LINGO2: variants seen among roughly 807,000 people sequenced by gnomAD.
The protein encoded by LINGO2 is leucine rich repeat and Ig domain containing 2, also known as leucine-rich repeat and immunoglobulin-like domain-containing nogo receptor-interacting protein 2.
A neutral mutation model predicts 30.6 loss-of-function variants in LINGO2; 14 were observed. That is an observed-to-expected ratio of 0.46 (90% confidence interval 0.30 to 0.72). LINGO2 has a LOEUF of 0.72. Among genes scored for constraint, LINGO2 ranks in the 30% least tolerant of loss-of-function variants. LINGO2 has a pLI of 0.07. For missense variants in LINGO2, 729 were observed against 751.7 expected (o/e 0.97, Z 0.35); for synonymous variants, 317 against 288.5 (o/e 1.10, Z -1.00).
chr9:28,373,025 T>C (rs1374681184), intron 2 of LINGO2, among the ~76,000 whole-genome samples, 157 bp from the exon 5 acceptor site: 4 of 149,268 alleles, frequency 2.7e-5, no homozygotes, highest in African/African-American at 9.8e-5. Flanking sequence ...GAAAAAAAAC[T>C]GATAAAACTC....
rs143825184 is a variant in LINGO2, at chr9:28,220,764, G to C, written c.-87+74444C>G. The stretch of plus-strand genomic sequence containing the variant: ...CAGAAATGCCTACCATCGGTCTCCA[G>C]AAAAATTGAGGTGTAGATGCCACTA... On this transcript the variant is annotated intron_variant, in intron 4 of 5. Transcript: ENST00000379992. Among the ~76,000 whole-genome samples the C allele has an allele frequency of 6.2e-3, 936 of 152,134 alleles. 19 individuals are homozygous for C. The highest frequency in any genetic ancestry group is 0.021 in the African/African-American group (882 of 41,500).
At position 28,349,798 on chromosome 9, in the gene LINGO2, C is replaced by A. The variant is rs1819773548; in HGVS notation, c.-246+23038G>T. Among the ~76,000 whole-genome samples the A allele has an allele frequency of 7.9e-5, 12 of 151,978 alleles. No homozygotes were observed. The South Asian group carries it at 2.5e-3, about 32-fold the overall frequency. On this transcript the variant is annotated intron_variant, in intron 3 of 5. Transcript: ENST00000379992. ...GAAGCCCATCAGACTAACAGCGGAT[C>A]TCTCGGCAGAAACCCTACAAGCCAG...
In LINGO2 at chr9:28,348,654, A is replaced by C. The variant is rs7854656; in HGVS notation, c.-246+24182T>G. 3.5e-3 allele frequency among the ~76,000 whole-genome samples: 533 copies of C among 150,432 alleles called. 3 individuals carry two copies. Among genetic ancestry groups the C allele is most frequent in the African/African-American group, 0.013 (510 of 40,116 alleles). On this transcript the variant is annotated intron_variant, in intron 3 of 5. Transcript: ENST00000379992. ...AACTGGGTGGAGCCCACCACAGCTCAAGGAGGCCTGCCTGCCTCTGTAGGC... is the reference window on the plus strand; with the variant it reads ...AACTGGGTGGAGCCCACCACAGCTCCAGGAGGCCTGCCTGCCTCTGTAGGC...
chr9:28,082,342 G>T (rs1377233565), intron 4 of LINGO2, among the ~76,000 whole-genome samples: 1 of 152,042 alleles, frequency 6.6e-6, no homozygotes, highest in African/African-American at 2.4e-5. Flanking sequence ...CCTAAACTCA[G>T]TACAAAATTT....
the LINGO2 span, among the ~76,000 whole-genome samples, chr9:28,736,818 A>T: frequency 2.0e-5 from 3 of 152,090 alleles, no homozygotes; most frequent in Non-Finnish European, 4.4e-5. Flanking sequence ...ACATATATAC[A>T]TACATACATA....
the LINGO2 span, among the ~76,000 whole-genome samples, chr9:29,111,089 G>T: frequency 3.9e-5 from 6 of 152,090 alleles, no homozygotes; most frequent in Non-Finnish European, 7.4e-5. Flanking sequence ...CTATTTAAAG[G>T]AACTTTATAG....
the LINGO2 span, among the ~76,000 whole-genome samples, chr9:28,860,967 C>T: frequency 0.79 from 102,893 of 129,832 alleles, 40,780 homozygotes; most frequent in East Asian, 0.89. Context: ...TATTATATAT[C>T]ATTAATATAT....
At chr9:28,235,758 T>C (rs1169501105) in intron 4 of LINGO2, among the ~76,000 whole-genome samples, 1 of 152,142 alleles carries the variant, frequency 6.6e-6, no homozygotes, top group Non-Finnish European at 1.5e-5. Context: ...ATTAGTGAGT[T>C]TGAAAACAGG....
chr9:29,146,044 T>A, the LINGO2 span, among the ~76,000 whole-genome samples: 1 of 152,136 alleles, frequency 6.6e-6, no homozygotes, highest in South Asian at 2.1e-4. Flanking sequence ...ATAAAACTAG[T>A]GCATGTAAAG....
the LINGO2 span, among the ~76,000 whole-genome samples, chr9:29,136,000 G>C: frequency 6.6e-6 from 1 of 152,170 alleles, no homozygotes; most frequent in Non-Finnish European, 1.5e-5. Flanking sequence ...AAGTCCCTAG[G>C]ATGACCCAAC....
intron 4 of LINGO2, among the ~76,000 whole-genome samples, chr9:28,059,619 T>C (rs1378185441): frequency 1.3e-5 from 2 of 152,084 alleles, no homozygotes; most frequent in African/African-American, 4.8e-5. Context: ...CACAGACCTT[T>C]TGAAAAGCAA....
chr9:28,052,145 A>C (rs1824705982), intron 4 of LINGO2, among the ~76,000 whole-genome samples: 1 of 152,108 alleles, frequency 6.6e-6, no homozygotes, highest in African/African-American at 2.4e-5. Flanking sequence ...TTAAAGAAGC[A>C]CATAGTTCCT....
At chr9:29,195,505 C>T in the LINGO2 span, among the ~76,000 whole-genome samples, 1 of 151,938 alleles carries the variant, frequency 6.6e-6, no homozygotes, top group East Asian at 1.9e-4. Flanking sequence ...CCATTATTAA[C>T]TTCCTTAGAA....
intron 1 of LINGO2, among the ~76,000 whole-genome samples, chr9:28,640,876 C>T (rs1228477391): frequency 6.6e-6 from 1 of 152,180 alleles, no homozygotes; most frequent in Non-Finnish European, 1.5e-5. Context: ...TGAGGAGCTA[C>T]GTTCCTTTAG....
At chr9:27,963,142 C>A (rs994348442) in intron 5 of LINGO2, among the ~76,000 whole-genome samples, 3 of 152,106 alleles carry the variant, frequency 2.0e-5, no homozygotes, top group Admixed American at 1.3e-4. Flanking sequence ...GTCTATGATT[C>A]TCACTATTTC....
intron 4 of LINGO2, among the ~76,000 whole-genome samples, chr9:28,272,462 T>C (rs1019431466): frequency 5.9e-5 from 9 of 151,816 alleles, no homozygotes; most frequent in African/African-American, 2.2e-4. Flanking sequence ...GCTTTCTCCT[T>C]CTCAACAGTC....
chr9:28,433,103 C>A (rs1162158592), intron 2 of LINGO2, among the ~76,000 whole-genome samples: 7 of 152,086 alleles, frequency 4.6e-5, no homozygotes, highest in African/African-American at 2.4e-5. Context: ...GCTATCATCT[C>A]TCTTAAAAAG....
chr9:28,959,929 T>TA, the LINGO2 span, among the ~76,000 whole-genome samples: 1 of 152,100 alleles, frequency 6.6e-6, no homozygotes, highest in Non-Finnish European at 1.5e-5. Context: ...TCAAAGATAA[T>TA]AAAATAAATG....
chr9:28,209,099 C>G (rs769229929), intron 4 of LINGO2, among the ~76,000 whole-genome samples: 6 of 152,014 alleles, frequency 3.9e-5, no homozygotes, highest in Non-Finnish European at 7.4e-5. Flanking sequence ...CTTATGTAAT[C>G]TTGAAAGCAG....
Sources: gnomAD v4.1 joint callset for allele counts (sites outside exome capture counted in the v4.1 genomes callset) on GRCh38, gnomAD v4.1.1 for gene constraint, MANE v1.5 for transcripts, NCBI Gene and HGNC (gene_info 2026-07-23, HGNC 2026-07-21) for gene names.